Variants in WSCD2 observed in about 807,000 individuals in gnomAD.
WSCD2 encodes WSC domain sialate O sulfotransferase 2, also known as sialate:O-sulfotransferase 2.
A neutral mutation model predicts 55.7 loss-of-function variants in WSCD2; 28 were observed. The observed-to-expected ratio is 0.50, with a 90% CI of 0.37 to 0.69. The LOEUF (loss-of-function observed/expected upper bound fraction) is 0.69, where lower values mean the gene tolerates loss of function less well. Among genes scored for constraint, WSCD2 ranks in the 30% least tolerant of loss-of-function variants. WSCD2 has a pLI of 0.00. For missense variants in WSCD2, 616 were observed against 762.1 expected, an observed-to-expected ratio of 0.81 and a Z score of 2.26; for synonymous variants, 301 against 301.9, an observed-to-expected ratio of 1.00 and a Z score of 0.03.
intron 1 of WSCD2, among the ~76,000 whole-genome samples, chr12:108,139,441 C>G (rs553540251): frequency 1.3e-5 from 2 of 152,246 alleles, no homozygotes; most frequent in Admixed American, 1.3e-4. Context: ...AGCTCAGGTT[C>G]AGGTGGGGAG....
At chr12:108,186,755 G>C (rs1212806181) in intron 1 of WSCD2, among the ~76,000 whole-genome samples, 1 of 152,208 alleles carries the variant, frequency 6.6e-6, no homozygotes, top group East Asian at 1.9e-4. Context: ...CGTATGGTAA[G>C]AGTATGTTTT....
At chr12:108,130,296 A>T (rs899288298) in intron 1 of WSCD2, among the ~76,000 whole-genome samples, 6 of 152,162 alleles carry the variant, frequency 3.9e-5, no homozygotes, top group African/African-American at 1.2e-4. Flanking sequence ...CTTTCTGGCC[A>T]GTGCAGAGTT....
intron 1 of WSCD2, among the ~76,000 whole-genome samples, chr12:108,187,894 C>T (rs879257198): frequency 1.3e-5 from 2 of 152,138 alleles, no homozygotes; most frequent in Admixed American, 6.6e-5. Flanking sequence ...GTTTCCTCTC[C>T]GTGGCCATTC....
chr12:108,226,690 A>C (rs1213962163), intron 5 of WSCD2, among the ~76,000 whole-genome samples: 1 of 152,192 alleles, frequency 6.6e-6, no homozygotes, highest in Non-Finnish European at 1.5e-5. Flanking sequence ...AGATGTATGG[A>C]AGTGCTACTT....
intron 1 of WSCD2, among the ~76,000 whole-genome samples, chr12:108,159,986 C>A (rs546350889): frequency 3.3e-5 from 5 of 152,168 alleles, no homozygotes; most frequent in Non-Finnish European, 7.3e-5. Flanking sequence ...CTGCGAGGGG[C>A]CTTCGTGGAG....
At chr12:108,164,693 A>G (rs1406166719) in intron 1 of WSCD2, among the ~76,000 whole-genome samples, 1 of 152,164 alleles carries the variant, frequency 6.6e-6, no homozygotes, top group Non-Finnish European at 1.5e-5. Context: ...TCAGTGGACA[A>G]CACCAGTCTC....
intron 1 of WSCD2, among the ~76,000 whole-genome samples, chr12:108,139,162 G>C (rs1362463081): frequency 2.0e-5 from 3 of 152,200 alleles, no homozygotes; most frequent in African/African-American, 7.2e-5. Context: ...TACCACCTTA[G>C]GAAAGAAAAT....
At chr12:108,130,206 A>G (rs1352239760) in intron 1 of WSCD2, among the ~76,000 whole-genome samples, 1 of 152,184 alleles carries the variant, frequency 6.6e-6, no homozygotes, top group Non-Finnish European at 1.5e-5. Context: ...CCCTACAGGC[A>G]TGCATTCAAG....
At position 108,195,933 on chromosome 12, in the gene WSCD2, T is replaced by TC; in HGVS notation, c.103dup (p.Leu35ProfsTer26). 6.2e-7 allele frequency: 1 copy of TC among 1,614,134 alleles called. No individual in the cohort carries two copies. Among genetic ancestry groups the TC allele is most frequent in the South Asian group, 1.1e-5 (1 of 91,066 alleles). On this transcript the variant is annotated frameshift_variant, in exon 2 of 9. Coordinates refer to ENST00000547525, the MANE Select transcript of WSCD2 (RefSeq NM_014653.4). LOFTEE classifies it high-confidence loss of function. The stretch of plus-strand genomic sequence containing the variant: ...TACCTGACTGCTGGGAGCCTTGTCT[T>TC]CCTTCACTCTGGCTTTGTGGGCCAG...
chr12:108,181,108 C>T (rs933236220), intron 1 of WSCD2, among the ~76,000 whole-genome samples: 1 of 152,204 alleles, frequency 6.6e-6, no homozygotes, highest in Non-Finnish European at 1.5e-5. Context: ...GGGCAGAGGG[C>T]GTCCTGTGCT....
chr12:108,218,833 G>A (rs1201758853), intron 4 of WSCD2, among the ~76,000 whole-genome samples: 2 of 152,162 alleles, frequency 1.3e-5, no homozygotes, highest in East Asian at 3.9e-4. Context: ...CCCTGGCTGT[G>A]GGCACCAGGT....
chr12:108,205,795 AC>A (rs1482025191), intron 2 of WSCD2, among the ~76,000 whole-genome samples: 2 of 152,206 alleles, frequency 1.3e-5, no homozygotes, highest in Non-Finnish European at 2.9e-5. Flanking sequence ...TGAAAGGTTA[AC>A]TGGCTTAAAC....
intron 1 of WSCD2, among the ~76,000 whole-genome samples, chr12:108,190,798 A>C (rs1883066847): frequency 1.3e-5 from 2 of 151,714 alleles, no homozygotes; most frequent in Admixed American, 6.6e-5. Context: ...CCTGGGGGGG[A>C]GGCAGAGTAG....
intron 1 of WSCD2, among the ~76,000 whole-genome samples, chr12:108,179,426 T>C (rs1881367670): frequency 6.6e-6 from 1 of 152,220 alleles, no homozygotes; most frequent in Non-Finnish European, 1.5e-5. Flanking sequence ...CCAGATTCCA[T>C]ATGGGACATA....
In WSCD2 at chr12:108,250,038, G is replaced by C. The variant is rs921010608; in HGVS notation, c.*1695G>C. 1 of 152,430 alleles carries C rather than the reference G, an allele frequency of 6.6e-6. No individual in the cohort carries two copies. Among genetic ancestry groups the C allele is most frequent in the African/African-American group, 2.4e-5 (1 of 41,438 alleles). 9.4% of individuals were successfully genotyped at this position (152,430 alleles called of 1,614,324 possible). A position where few individuals can be genotyped will look rare whatever the true frequency, so the allele number is the denominator to read the frequency against. On this transcript the variant is annotated 3_prime_UTR_variant, in exon 9 of 9. Transcript: ENST00000547525. Reference sequence around the variant, plus strand: ...AGACCTGGGTCAGTTCTTTGCTGGTGGTCCCCTCTGACCACAAGCTTCTGC... The same window carrying C: ...AGACCTGGGTCAGTTCTTTGCTGGTCGTCCCCTCTGACCACAAGCTTCTGC...
intron 7 of WSCD2, among the ~76,000 whole-genome samples, chr12:108,238,612 C>A (rs1290643013): frequency 6.6e-6 from 1 of 152,248 alleles, no homozygotes; most frequent in Non-Finnish European, 1.5e-5. Context: ...GCTTCATTGA[C>A]TTCTCACAAT....
intron 8 of WSCD2, among the ~76,000 whole-genome samples, chr12:108,242,312 T>C (rs1426344460): frequency 1.3e-5 from 2 of 152,210 alleles, no homozygotes; most frequent in African/African-American, 4.8e-5. Context: ...CTTGGATAGG[T>C]GGTGACATTT....
chr12:108,209,517 C>T (rs1885847145), intron 3 of WSCD2, among the ~76,000 whole-genome samples: 1 of 152,008 alleles, frequency 6.6e-6, no homozygotes, highest in African/African-American at 2.4e-5. Flanking sequence ...CAGGTGTGTA[C>T]AGGTGAGTGT....
At chr12:108,236,232 T>C (rs1889254213) in intron 7 of WSCD2, among the ~76,000 whole-genome samples, 1 of 152,198 alleles carries the variant, frequency 6.6e-6, no homozygotes, top group Non-Finnish European at 1.5e-5. Context: ...GAGACCTCAG[T>C]TTCCTGCTCT....
Sources: allele counts gnomAD v4.1 joint callset (sites outside exome capture counted in the v4.1 genomes callset), GRCh38; gene constraint gnomAD v4.1.1; transcripts MANE v1.5; gene names NCBI Gene and HGNC (gene_info 2026-07-23, HGNC 2026-07-21).